Variants in RAP2A observed in about 807,000 individuals in gnomAD.
RAP2A encodes RAP2A, member of RAS oncogene family.
A neutral mutation model predicts 15.1 loss-of-function variants in RAP2A; 5 were observed. The observed-to-expected ratio is 0.33, with a 90% CI of 0.17 to 0.70. The LOEUF (loss-of-function observed/expected upper bound fraction) is 0.70, where lower values mean the gene tolerates loss of function less well. RAP2A is among the 30% of genes least tolerant of loss of function. RAP2A has a pLI of 0.68. For synonymous variants in RAP2A, 110 were observed against 99.7 expected (o/e 1.10, Z -0.62); for missense variants, 111 against 240.3 (o/e 0.46, Z 3.56).
intron 1 of RAP2A, chr13:97,441,782 A>C (rs1224639404): frequency 2.2e-6 from 1 of 451,098 alleles, no homozygotes; most frequent in African/African-American, 2.0e-5. Flanking sequence ...ATGTTGTAAA[A>C]AGAGTTTTAA....
At chr13:97,438,155 T>G (rs1205725996) in intron 1 of RAP2A, among the ~76,000 whole-genome samples, 1 of 152,176 alleles carries the variant, frequency 6.6e-6, no homozygotes, top group Non-Finnish European at 1.5e-5. Context: ...TCTGATTTTG[T>G]AATTGCTTTT....
chr13:97,450,002 C>T (rs1029336404), intron 1 of RAP2A, among the ~76,000 whole-genome samples: 1 of 151,096 alleles, frequency 6.6e-6, no homozygotes, highest in Admixed American at 6.6e-5. Flanking sequence ...GTTATGTGTA[C>T]TGAGTGATTT....
At chr13:97,437,084 A>G (rs2066637292) in intron 1 of RAP2A, among the ~76,000 whole-genome samples, 2 of 152,222 alleles carry the variant, frequency 1.3e-5, no homozygotes, top group South Asian at 4.1e-4. Context: ...TGAGCCACAT[A>G]TGTAATTTTA....
Position 97,466,263 on chromosome 13 carries a change from A to G in RAP2A, c.*1821A>G, listed in dbSNP as rs2066771228. 6.6e-6 allele frequency: 1 copy of G among 152,092 alleles called. No homozygotes were observed. The highest frequency in any genetic ancestry group is 2.4e-5 in the African/African-American group (1 of 41,424). 9.4% of individuals were successfully genotyped at this position (152,092 alleles called of 1,614,324 possible). A position where few individuals can be genotyped will look rare whatever the true frequency, so the allele number is the denominator to read the frequency against. On this transcript the variant is annotated 3_prime_UTR_variant, in exon 2 of 2. Coordinates refer to ENST00000245304, the MANE Select transcript of RAP2A (RefSeq NM_021033.7). ...TTCATAATGAAAAAACTGAAGAGAT[A>G]CGTGAATGAAACCAGGCCATAGCTG...
intron 1 of RAP2A, among the ~76,000 whole-genome samples, chr13:97,457,325 T>C (rs1373649173): frequency 6.6e-6 from 1 of 151,830 alleles, no homozygotes; most frequent in Non-Finnish European, 1.5e-5. Context: ...GTTCATCAGA[T>C]TGGCTGCTTA....
chr13:97,445,052 CTTT>C (rs1193051782), intron 1 of RAP2A, among the ~76,000 whole-genome samples: 1 of 152,098 alleles, frequency 6.6e-6, no homozygotes, highest in Non-Finnish European at 1.5e-5. Flanking sequence ...CACAAACCTC[CTTT>C]ATAAGGGCAC....
At chr13:97,435,605 ATTCTT>A (rs2066630866) in intron 1 of RAP2A, among the ~76,000 whole-genome samples, 1 of 151,810 alleles carries the variant, frequency 6.6e-6, no homozygotes, top group Non-Finnish European at 1.5e-5. Context: ...ATATATATAA[ATTCTT>A]TTCTAAAGTA....
In RAP2A at chr13:97,464,812, A is replaced by AATTAAAAT. The variant is rs1459594903; in HGVS notation, c.*374_*381dup. ...CAGAAGAATTCCTCTGACCACTTACAATTAAAATATTTTGTCTTCTTTAAA... is the reference window on the plus strand; with the variant it reads ...CAGAAGAATTCCTCTGACCACTTACAATTAAAATATTAAAATATTTTGTCTTCTTTAAA... On this transcript the variant is annotated 3_prime_UTR_variant, in exon 2 of 2. Coordinates refer to ENST00000245304, the MANE Select transcript of RAP2A (RefSeq NM_021033.7). 1.7e-5 allele frequency: 3 copies of AATTAAAAT among 179,626 alleles called. No homozygotes were observed. The East Asian group carries it at 4.4e-4, about 26-fold the overall frequency. 11.1% of individuals were successfully genotyped at this position (179,626 alleles called of 1,614,324 possible). A position where few individuals can be genotyped will look rare whatever the true frequency, so the allele number is the denominator to read the frequency against.
chr13:97,464,060 A>T, intron 1 of RAP2A, 145 bp from the exon 2 acceptor site: 3 of 702,684 alleles, frequency 4.3e-6, no homozygotes, highest in Non-Finnish European at 7.2e-6. Context: ...AGATCTAAGT[A>T]TCAAGCCAAG....
rs2066760046 is a variant in RAP2A at position 97,464,205 on chromosome 13, G to A, written c.315G>A (p.Arg105=). The part of the protein sequence containing the change: ...PMRDQIIRVK[R]YEKVPVILVG... ...GTGTGTTTTGTTTATTCTCTCATAGGTATGAGAAAGTGCCAGTCATCTTGG... is the reference window on the plus strand; with the variant it reads ...GTGTGTTTTGTTTATTCTCTCATAGATATGAGAAAGTGCCAGTCATCTTGG... Residue 105 remains arginine (R), a splice_region_variant and synonymous_variant, in exon 2 of 2, where the codon CGG becomes CGA. Coordinates refer to ENST00000245304, the MANE Select transcript of RAP2A (RefSeq NM_021033.7). 6.2e-7 allele frequency: 1 copy of A among 1,611,808 alleles called. No individual in the cohort carries two copies. Among genetic ancestry groups the A allele is most frequent in the South Asian group, 1.1e-5 (1 of 91,028 alleles).
intron 1 of RAP2A, among the ~76,000 whole-genome samples, chr13:97,450,662 A>T (rs1213805304): frequency 6.6e-6 from 1 of 152,066 alleles, no homozygotes; most frequent in Non-Finnish European, 1.5e-5. Context: ...TACGCTTAAA[A>T]AAAAAAAAGA....
chr13:97,461,285 C>G (rs761985620), intron 1 of RAP2A, among the ~76,000 whole-genome samples: 1 of 152,174 alleles, frequency 6.6e-6, no homozygotes, highest in Non-Finnish European at 1.5e-5. Context: ...GTCTGGTATT[C>G]TGAAATGTAC....
chr13:97,455,693 C>A (rs923294524), intron 1 of RAP2A, among the ~76,000 whole-genome samples: 8 of 151,454 alleles, frequency 5.3e-5, no homozygotes, highest in African/African-American at 1.2e-4. Flanking sequence ...TAGTTCAGTT[C>A]TTTAACCTTT....
intron 1 of RAP2A, among the ~76,000 whole-genome samples, chr13:97,455,140 G>C (rs2066717641): frequency 6.6e-6 from 1 of 151,204 alleles, no homozygotes; most frequent in East Asian, 1.9e-4. Context: ...ATTCAAATTA[G>C]ATCATTTTTG....
intron 1 of RAP2A, among the ~76,000 whole-genome samples, chr13:97,462,598 T>G (rs2066752616): frequency 6.6e-6 from 1 of 152,214 alleles, no homozygotes; most frequent in Admixed American, 6.5e-5. Flanking sequence ...TACAGTAGTG[T>G]ACAGTAAATT....
At chr13:97,434,956 G>A (rs1177910893) in intron 1 of RAP2A, among the ~76,000 whole-genome samples, 172 bp downstream of exon 1, 1 of 152,222 alleles carries the variant, frequency 6.6e-6, no homozygotes, top group Admixed American at 6.5e-5. Flanking sequence ...TGAGTGCTTT[G>A]TTTCACAACT....
intron 1 of RAP2A, among the ~76,000 whole-genome samples, chr13:97,440,205 C>T (rs1285172503): frequency 6.6e-6 from 1 of 152,058 alleles, no homozygotes; most frequent in Non-Finnish European, 1.5e-5. Flanking sequence ...AGCTGGACCT[C>T]CCAGGTACAG....
chr13:97,446,980 C>G (rs187593399), intron 1 of RAP2A, among the ~76,000 whole-genome samples: 1 of 152,252 alleles, frequency 6.6e-6, no homozygotes, highest in African/African-American at 2.4e-5. Flanking sequence ...CAGTAGTTAT[C>G]TGGAACAATA....
At position 97,464,571 on chromosome 13, in the gene RAP2A, AT is replaced by A. The variant is rs2066762316; in HGVS notation, c.*131del. ...CAGAGAACTGCAGCCCTTATTCAGA[AT>A]TGAGCAGTGATTGTCAGTTGATATC... On this transcript the variant is annotated 3_prime_UTR_variant, in exon 2 of 2. Coordinates refer to ENST00000245304, the MANE Select transcript of RAP2A (RefSeq NM_021033.7). The A allele has an allele frequency of 1.2e-6, 1 of 847,812 alleles. No individual in the cohort carries two copies. The highest frequency in any genetic ancestry group is 1.9e-6 in the Non-Finnish European group (1 of 530,338). 52.5% of individuals were successfully genotyped at this position (847,812 alleles called of 1,614,324 possible).
Sources: allele counts gnomAD v4.1 joint callset (sites outside exome capture counted in the v4.1 genomes callset), GRCh38; gene constraint gnomAD v4.1.1; transcripts MANE v1.5; gene names NCBI Gene and HGNC (gene_info 2026-07-23, HGNC 2026-07-21).